The following PDIA3 variants were observed in gnomAD, a reference collection of about 807,000 sequenced individuals.
The protein encoded by PDIA3 is protein disulfide isomerase family A member 3, also known as protein disulfide-isomerase A3.
Under a neutral mutation model 56.9 loss-of-function variants are expected in PDIA3, and 16 were observed. The observed-to-expected ratio is 0.28, with a 90% confidence interval of 0.19 to 0.43. The LOEUF is 0.43. Ranked by LOEUF, PDIA3 falls within the 20% of genes least tolerant of loss-of-function variation. PDIA3 has a pLI of 1.00. For missense variants in PDIA3, 485 were observed against 621.3 expected (o/e 0.78, Z 2.33); for synonymous variants, 192 against 216.5 (o/e 0.89, Z 0.99).
rs750939566 is a variant in PDIA3 at position 43,766,724 on chromosome 15, A to G, written c.846-4A>G. ...TTGGCACAAATGTCTCTTGTTTCCC[A>G]CAGGGTAATGATGGTGGCAAAGAAA... On this transcript the variant is annotated splice_region_variant and splice_polypyrimidine_tract_variant and intron_variant, in intron 7 of 12. Coordinates refer to ENST00000300289, the MANE Select transcript of PDIA3 (RefSeq NM_005313.5). 1.2e-6 allele frequency: 2 copies of G among 1,613,544 alleles called. No homozygotes were observed. Among genetic ancestry groups the G allele is most frequent in the Non-Finnish European group, 1.7e-6 (2 of 1,179,580 alleles).
rs541526303 is a variant in PDIA3 at position 43,759,555 on chromosome 15, T to C, written c.365-1869T>C. ...ACATATGAATAATATTGAGGACTTATTGTATACCCAAAAGAAGATAGTTGT... is the reference window on the plus strand; with the variant it reads ...ACATATGAATAATATTGAGGACTTACTGTATACCCAAAAGAAGATAGTTGT... On this transcript the variant is annotated intron_variant, in intron 3 of 12. Transcript: ENST00000300289. Among the ~76,000 whole-genome samples the C allele has an allele frequency of 6.6e-5, 10 of 152,316 alleles. 1 individual carries two copies. Among genetic ancestry groups the C allele is most frequent in the South Asian group, 4.1e-4 (2 of 4,826 alleles).
intron 3 of PDIA3, among the ~76,000 whole-genome samples, chr15:43,757,280 C>G (rs146809594): frequency 6.6e-6 from 1 of 152,148 alleles, no homozygotes; most frequent in South Asian, 2.1e-4. Context: ...GGGCCGGGGC[C>G]GGGTGCGGTG....
At chr15:43,752,737 C>T (rs1479140508) in intron 1 of PDIA3, 1 of 468,004 alleles carries the variant, frequency 2.1e-6, no homozygotes, top group East Asian at 7.0e-5. Flanking sequence ...ACACCATTGA[C>T]TATTGAAATA....
At chr15:43,753,266 C>CG (rs1337609881) in intron 1 of PDIA3, among the ~76,000 whole-genome samples, 2 of 152,088 alleles carry the variant, frequency 1.3e-5, no homozygotes, top group Non-Finnish European at 2.9e-5. Context: ...TCAGTAGAGA[C>CG]GGGGTTTCAC....
At position 43,763,219 on chromosome 15, in the gene PDIA3, G is replaced by A. The variant is rs1279244893; in HGVS notation, c.602+13G>A. On this transcript the variant is annotated intron_variant, in intron 5 of 12. Coordinates refer to ENST00000300289, the MANE Select transcript of PDIA3 (RefSeq NM_005313.5). ...ATGATAATGGAGAGTAAGTGACTGA[G>A]TTGAATCTCCTGACCAAGTATTATT... 4 of 1,612,294 alleles carry A rather than the reference G, an allele frequency of 2.5e-6. No individual in the cohort carries two copies. Among genetic ancestry groups the A allele is most frequent in the South Asian group, 2.2e-5 (2 of 90,980 alleles).
chr15:43,762,020 TG>T (rs2098667191), intron 4 of PDIA3, among the ~76,000 whole-genome samples: 2 of 152,338 alleles, frequency 1.3e-5, no homozygotes, highest in African/African-American at 4.8e-5. Context: ...GGATTTATCT[TG>T]TTTTTGCAGC....
intron 3 of PDIA3, among the ~76,000 whole-genome samples, chr15:43,758,451 G>T (rs138011191): frequency 6.6e-5 from 10 of 152,180 alleles, no homozygotes; most frequent in South Asian, 2.1e-4. Flanking sequence ...TTGAGATCAG[G>T]AGTTTGAGGC....
chr15:43,761,556 C>T, intron 4 of PDIA3, 25 bp downstream of exon 4: 1 of 1,195,714 alleles, frequency 8.4e-7, no homozygotes. Context: ...TTAAACCGTG[C>T]CACAGAATTG....
chr15:43,766,569 A>T (rs955872784), intron 7 of PDIA3, among the ~76,000 whole-genome samples, 159 bp from the exon 8 acceptor site: 1 of 152,178 alleles, frequency 6.6e-6, no homozygotes, highest in Admixed American at 6.5e-5. Context: ...GTATATCATA[A>T]CCCTGTGTCA....
intron 1 of PDIA3, among the ~76,000 whole-genome samples, chr15:43,751,380 G>T (rs1342853538): frequency 6.6e-6 from 1 of 152,104 alleles, no homozygotes; most frequent in Admixed American, 6.6e-5. Context: ...TTATCAAAAA[G>T]TACTTGACGC....
At chr15:43,769,733 T>C in intron 10 of PDIA3, 87 bp downstream of exon 10, 3 of 1,394,474 alleles carry the variant, frequency 2.2e-6, no homozygotes, top group Non-Finnish European at 3.0e-6. Context: ...TTTGGTTGGT[T>C]CCTAAGTACT....
At chr15:43,766,658 T>G in intron 7 of PDIA3, 70 bp from the exon 8 acceptor site, 1 of 1,220,258 alleles carries the variant, frequency 8.2e-7, no homozygotes, top group Non-Finnish European at 1.2e-6. Flanking sequence ...TCCAATCACT[T>G]GCTTCTTAGT....
intron 7 of PDIA3, 113 bp from the exon 8 acceptor site, chr15:43,766,615 G>C: frequency 1.3e-6 from 1 of 796,712 alleles, no homozygotes. Flanking sequence ...ACTGATTCCA[G>C]AAGGCTAGAA....
chr15:43,754,591 C>G (rs2086765421), intron 2 of PDIA3, among the ~76,000 whole-genome samples: 1 of 151,560 alleles, frequency 6.6e-6, no homozygotes, highest in African/African-American at 2.4e-5. Context: ...GGTGTGTTGG[C>G]TCACACCTGT....
chr15:43,764,524 G>A (rs999585282), intron 5 of PDIA3, among the ~76,000 whole-genome samples: 4 of 152,164 alleles, frequency 2.6e-5, no homozygotes, highest in African/African-American at 9.7e-5. Flanking sequence ...CTGGAGTGCA[G>A]TGGTGCGATC....
chr15:43,761,551 C>T lies in PDIA3; in HGVS notation c.472+20C>T, dbSNP rs758475479. On this transcript the variant is annotated intron_variant, in intron 4 of 12. Transcript: ENST00000300289. ...TAGTAGGTAAGTAGCAAATATTAAA[C>T]CGTGCCACAGAATTGTCAGTTTGGT... 1.6e-6 allele frequency: 2 copies of T among 1,223,788 alleles called. No individual in the cohort carries two copies. Among genetic ancestry groups the T allele is most frequent in the Non-Finnish European group, 2.4e-6 (2 of 832,384 alleles). The allele number at this position is 1,223,788 out of a possible 1,614,324, so 75.8% of individuals were successfully genotyped here. A position where few individuals can be genotyped will look rare whatever the true frequency, so the allele number is the denominator to read the frequency against.
Position 43,771,230 on chromosome 15 carries a change from A to G in PDIA3, c.*12A>G. The stretch of plus-strand genomic sequence containing the variant: ...AGGAGGATCTCTAAAGCAGTAGCCA[A>G]ACACCACTTTGTAAAAGGACTCTTC... On this transcript the variant is annotated 3_prime_UTR_variant, in exon 13 of 13. Coordinates refer to ENST00000300289, the MANE Select transcript of PDIA3 (RefSeq NM_005313.5). 1 of 1,528,094 alleles carries G rather than the reference A, an allele frequency of 6.5e-7. No individual in the cohort carries two copies. Among genetic ancestry groups the G allele is most frequent in the Non-Finnish European group, 9.0e-7 (1 of 1,105,686 alleles). The allele number at this position is 1,528,094 out of a possible 1,614,324, so 94.7% of individuals were successfully genotyped here. A position where few individuals can be genotyped will look rare whatever the true frequency, so the allele number is the denominator to read the frequency against.
intron 4 of PDIA3, among the ~76,000 whole-genome samples, chr15:43,762,036 A>G (rs1019925490): frequency 6.6e-6 from 1 of 152,166 alleles, no homozygotes; most frequent in Admixed American, 6.5e-5. Flanking sequence ...TGCAGCATTC[A>G]TTGCTTTCTC....
In PDIA3 at chr15:43,770,517, C is replaced by A; in HGVS notation, c.1347-6C>A. 1 of 1,606,182 alleles carries A rather than the reference C, an allele frequency of 6.2e-7. No individual in the cohort carries two copies. The highest frequency in any genetic ancestry group is 8.5e-7 in the Non-Finnish European group (1 of 1,172,756). On this transcript the variant is annotated splice_region_variant and splice_polypyrimidine_tract_variant and intron_variant, in intron 11 of 12. Coordinates refer to ENST00000300289, the MANE Select transcript of PDIA3 (RefSeq NM_005313.5). ...GCTTGAAATTAATAAATGTTTCTTT[C>A]CCCAGTTTTCCTACCATATACTTCT...
Sources: gnomAD v4.1 joint callset for allele counts (sites outside exome capture counted in the v4.1 genomes callset) on GRCh38, gnomAD v4.1.1 for gene constraint, MANE v1.5 for transcripts, NCBI Gene and HGNC (gene_info 2026-07-23, HGNC 2026-07-21) for gene names.